TPP2: variants seen among roughly 807,000 people sequenced by gnomAD.
TPP2 encodes the protein tripeptidyl peptidase 2.
TPP2 carries 34 observed loss-of-function variants against 155.9 expected under a neutral mutation model. That is an observed-to-expected ratio of 0.22 (90% CI 0.17 to 0.29). The LOEUF is 0.29. TPP2 is among the 10% of genes least tolerant of loss of function. The pLI is 1.00. For synonymous variants in TPP2, 510 were observed against 529.4 expected, an observed-to-expected ratio of 0.96 and a Z score of 0.50; for missense variants, 1,028 against 1,522.3, an observed-to-expected ratio of 0.68 and a Z score of 5.40.
At chr13:102,667,150 C>T (rs1328740235) in intron 27 of TPP2, among the ~76,000 whole-genome samples, 4 of 152,156 alleles carry the variant, frequency 2.6e-5, no homozygotes, top group Non-Finnish European at 5.9e-5. Flanking sequence ...CATTTCCATG[C>T]AAAATTGCTT....
At chr13:102,631,569 T>A (rs1253652026) in intron 10 of TPP2, 1 of 152,238 alleles carries the variant, frequency 6.6e-6, no homozygotes, top group Non-Finnish European at 1.5e-5. Flanking sequence ...TTATTGTCAA[T>A]GTAAAAACAA....
At chr13:102,617,976 GTCTCAATT>G (rs1566327769) in intron 4 of TPP2, among the ~76,000 whole-genome samples, 1 of 152,102 alleles carries the variant, frequency 6.6e-6, no homozygotes, top group African/African-American at 2.4e-5. Context: ...AGAGATATTC[GTCTCAATT>G]TCAGTATTTA....
At chr13:102,673,760 A>G (rs1396596864) in intron 27 of TPP2, among the ~76,000 whole-genome samples, 2 of 152,330 alleles carry the variant, frequency 1.3e-5, no homozygotes, top group African/African-American at 4.8e-5. Context: ...GCAGTAATTA[A>G]TAGTCTCTTA....
In TPP2 at chr13:102,636,333, A is replaced by C; in HGVS notation, c.1619A>C (p.Gln540Pro). 1.2e-6 allele frequency: 2 copies of C among 1,613,886 alleles called. No homozygotes were observed. Among genetic ancestry groups the C allele is most frequent in the Non-Finnish European group, 8.5e-7 (1 of 1,179,916 alleles). ...GGCATCTACCTCCGAGATCCTGTTC[A>C]GGTGGCTGCACCTTCAGATCATGGC... ...NRGIYLRDPV[Q>P]VAAPSDHGVG... Residue 540 changes from glutamine (Q) to proline (P), a missense_variant, in exon 13 of 30, where the codon CAG becomes CCG. This residue lies in a region of TPP2 where 325 missense variants were observed against 463.7 expected (regional missense o/e 0.70). Transcript: ENST00000376052.
intron 2 of TPP2, among the ~76,000 whole-genome samples, chr13:102,605,314 C>T (rs971879939): frequency 6.6e-6 from 1 of 152,144 alleles, no homozygotes; most frequent in Non-Finnish European, 1.5e-5. Context: ...GGGAGTGAGC[C>T]GAGAGAGTCC....
intron 15 of TPP2, among the ~76,000 whole-genome samples, chr13:102,639,527 C>T (rs927439438): frequency 1.3e-5 from 2 of 152,266 alleles, no homozygotes; most frequent in South Asian, 2.1e-4. Flanking sequence ...GGAAGCTTCC[C>T]AGGCTCCGTA....
chr13:102,630,056 C>T (rs755675336), intron 9 of TPP2, 40 bp from the exon 10 acceptor site: 38 of 1,557,650 alleles, frequency 2.4e-5, no homozygotes, highest in South Asian at 1.8e-4. Context: ...TCAGGATCCC[C>T]GTTTGTTTTC....
At position 102,627,938 on chromosome 13, in the gene TPP2, G is replaced by A; in HGVS notation, c.1016+14G>A. The A allele has an allele frequency of 6.2e-7, 1 of 1,606,684 alleles. No individual in the cohort carries two copies. Among genetic ancestry groups the A allele is most frequent in the Non-Finnish European group, 8.5e-7 (1 of 1,174,844 alleles). ...GCCAAATTCTGGGTGAGTGTTCCTT[G>A]ACAGTTGTTTAGCCATAGAACCTTA... On this transcript the variant is annotated intron_variant, in intron 8 of 29. Coordinates refer to ENST00000376052, the MANE Select transcript of TPP2 (RefSeq NM_001330588.2).
chr13:102,647,410 T>G, intron 21 of TPP2, 66 bp downstream of exon 21: 1 of 1,554,896 alleles, frequency 6.4e-7, no homozygotes, highest in African/African-American at 1.4e-5. Flanking sequence ...AAATCCTGGT[T>G]TCTTGTTATG....
chr13:102,672,742 G>C (rs1372421948), intron 27 of TPP2, among the ~76,000 whole-genome samples: 1 of 152,226 alleles, frequency 6.6e-6, no homozygotes, highest in Non-Finnish European at 1.5e-5. Flanking sequence ...AGAGGAGGGG[G>C]AAGGAGGGTG....
chr13:102,618,924 C>G, intron 5 of TPP2, 78 bp downstream of exon 5: 1 of 1,480,338 alleles, frequency 6.8e-7, no homozygotes, highest in African/African-American at 1.4e-5. Context: ...ATGCTCAGAG[C>G]TGCACAGAAT....
intron 27 of TPP2, among the ~76,000 whole-genome samples, chr13:102,669,696 T>C (rs2139607186): frequency 6.6e-6 from 1 of 152,252 alleles, no homozygotes; most frequent in South Asian, 2.1e-4. Context: ...TTTGGGTAAG[T>C]TGAAATCGTT....
At chr13:102,619,107 C>T (rs73578863) in intron 5 of TPP2, among the ~76,000 whole-genome samples, 22,780 of 151,966 alleles carry the variant, frequency 0.15, 2,055 homozygotes, top group African/African-American at 0.25. Context: ...GTTGACCATC[C>T]GTATATTTGG....
chr13:102,627,778 G>A, intron 7 of TPP2, 70 bp from the exon 8 acceptor site: 1 of 1,068,228 alleles, frequency 9.4e-7, no homozygotes, highest in Non-Finnish European at 1.4e-6. Context: ...TTATATATAT[G>A]CCCTTATTTT....
At chr13:102,629,996 C>A in intron 9 of TPP2, 100 bp from the exon 10 acceptor site, 1 of 901,240 alleles carries the variant, frequency 1.1e-6, no homozygotes, top group Non-Finnish European at 1.7e-6. Flanking sequence ...AGAGAGAGGA[C>A]TGGTGTTGAG....
chr13:102,636,454 A>T (rs1595171391), intron 13 of TPP2, 62 bp downstream of exon 13: 2 of 1,530,396 alleles, frequency 1.3e-6, no homozygotes, highest in African/African-American at 2.8e-5. Flanking sequence ...GAGTGGTATC[A>T]TAATAAAGAA....
chr13:102,649,523 T>G, intron 23 of TPP2, 37 bp downstream of exon 23: 4 of 1,541,764 alleles, frequency 2.6e-6, no homozygotes, highest in Middle Eastern at 2.1e-4. Context: ...AATTACCTAT[T>G]AAAAAATTTC....
At chr13:102,659,391 A>G (rs1188207478) in intron 25 of TPP2, among the ~76,000 whole-genome samples, 2 of 152,182 alleles carry the variant, frequency 1.3e-5, no homozygotes, top group Non-Finnish European at 2.9e-5. Context: ...AGTAAATGCA[A>G]AGAAATCCAC....
rs1409920365 is a variant in TPP2, at chr13:102,635,620, A to G, written c.1427A>G (p.His476Arg). 8.1e-6 allele frequency: 13 copies of G among 1,613,124 alleles called. No individual in the cohort carries two copies. The highest frequency in any genetic ancestry group is 5.3e-5 in the African/African-American group (4 of 75,032). The change falls in exon 12 of 30, where the codon CAT becomes CGT. Residue 476 changes from histidine to arginine, a missense_variant. Physicochemically the swap from His to Arg is conservative, Grantham distance 29. Coordinates refer to ENST00000376052, the MANE Select transcript of TPP2 (RefSeq NM_001330588.2). ...GCTAATAACATTGACTACACAGTTC[A>G]TTCAGTCAGAAGAGCTCTAGAAAAC... ...LKANNIDYTV[H>R]SVRRALENTA...
Sources: gnomAD v4.1 joint callset for allele counts (sites outside exome capture counted in the v4.1 genomes callset) on GRCh38, gnomAD v4.1.1 for gene constraint, gnomAD v4.1.1 regional missense constraint, MANE v1.5 for transcripts, NCBI Gene and HGNC (gene_info 2026-07-23, HGNC 2026-07-21) for gene names.